The following NEDD4 variants were observed in gnomAD, a reference collection of about 807,000 sequenced individuals.
NEDD4 encodes the protein NEDD4 E3 ubiquitin protein ligase, also known as E3 ubiquitin-protein ligase NEDD4.
A neutral mutation model predicts 144.9 loss-of-function variants in NEDD4; 99 were observed. That is an observed-to-expected ratio of 0.68 (90% CI 0.58 to 0.81). NEDD4 has a LOEUF of 0.81. Among genes scored for constraint, NEDD4 ranks in the 30% least tolerant of loss-of-function variants. The pLI is 0.00. For missense variants in NEDD4, 985 were observed against 1,065.9 expected (o/e 0.92, Z 1.06); for synonymous variants, 318 against 350.6 (o/e 0.91, Z 1.04).
intron 12 of NEDD4, among the ~76,000 whole-genome samples, chr15:55,853,594 C>T (rs1469409174): frequency 1.3e-5 from 2 of 152,218 alleles, no homozygotes; most frequent in Admixed American, 1.3e-4. Flanking sequence ...TCAACAGTTA[C>T]TCCTGCCTTG....
At chr15:55,990,882 CTTTG>C (rs1358178354) in intron 1 of NEDD4, among the ~76,000 whole-genome samples, 1 of 152,200 alleles carries the variant, frequency 6.6e-6, no homozygotes, top group African/African-American at 2.4e-5. Context: ...ACACTTCCTC[CTTTG>C]TTTGTTAACA....
intron 1 of NEDD4, among the ~76,000 whole-genome samples, chr15:55,979,224 GA>G (rs530492205): frequency 6.7e-6 from 1 of 148,826 alleles, no homozygotes; most frequent in Non-Finnish European, 1.5e-5. Context: ...TATATTAATT[GA>G]AAAAATAAGA....
At position 55,944,482 on chromosome 15, in the gene NEDD4, G is replaced by A. The variant is rs76433825; in HGVS notation, c.237+6894C>T. ...GCTTGAGTAGGTAAACAAAGCAGCC[G>A]GGAAGCTGAAACTAGGCAGAGCCCA... is the stretch of plus-strand genomic sequence containing the variant. On this transcript the variant is annotated intron_variant, in intron 4 of 28. Coordinates refer to ENST00000435532, the MANE Select transcript of NEDD4 (RefSeq NM_006154.4). 9.8e-4 allele frequency among the ~76,000 whole-genome samples: 150 copies of A among 152,290 alleles called. 4 individuals carry two copies. In the East Asian group the frequency reaches 0.024, roughly 24 times the overall value.
At chr15:55,954,874 A>G (rs867745113) in intron 2 of NEDD4, among the ~76,000 whole-genome samples, 2 of 151,632 alleles carry the variant, frequency 1.3e-5, no homozygotes, top group African/African-American at 4.9e-5. Flanking sequence ...ACTGAGTTGT[A>G]AGAGGTTTCA....
intron 5 of NEDD4, among the ~76,000 whole-genome samples, chr15:55,879,364 T>C (rs2035103857): frequency 6.6e-6 from 1 of 152,142 alleles, no homozygotes; most frequent in Admixed American, 6.5e-5. Flanking sequence ...AAAATTCCTC[T>C]CTGGAACAAC....
At chr15:55,976,399 T>G (rs1182610321) in intron 1 of NEDD4, among the ~76,000 whole-genome samples, 1 of 152,048 alleles carries the variant, frequency 6.6e-6, no homozygotes, top group African/African-American at 2.4e-5. Context: ...AATCTGATAT[T>G]AAAATGGGCA....
chr15:55,916,411 C>A (rs141563734), intron 5 of NEDD4: 225 of 1,613,924 alleles, frequency 1.4e-4, no homozygotes, highest in Non-Finnish European at 1.8e-4. Flanking sequence ...GGACTGCTTA[C>A]AAGGTGACCA....
chr15:55,858,826 G>A (rs1371756851), intron 11 of NEDD4, among the ~76,000 whole-genome samples: 1 of 152,212 alleles, frequency 6.6e-6, no homozygotes, highest in African/African-American at 2.4e-5. Flanking sequence ...GATCCAGACA[G>A]TAAATACTGG....
chr15:55,991,986 C>A (rs1313245369), intron 1 of NEDD4: 1 of 152,216 alleles, frequency 6.6e-6, no homozygotes, highest in African/African-American at 2.4e-5. Flanking sequence ...GATGAGAAAT[C>A]TGCAATTAGC....
intron 5 of NEDD4, among the ~76,000 whole-genome samples, chr15:55,920,757 T>C (rs569779763): frequency 1.8e-4 from 27 of 152,314 alleles, no homozygotes; most frequent in African/African-American, 6.0e-4. Flanking sequence ...ACATTTATAA[T>C]GACACAGGTC....
chr15:55,894,911 T>C (rs1000759262), intron 5 of NEDD4, among the ~76,000 whole-genome samples: 1 of 152,212 alleles, frequency 6.6e-6, no homozygotes, highest in Non-Finnish European at 1.5e-5. Flanking sequence ...CCAACATTTT[T>C]AGGAGCAATT....
chr15:55,858,535 T>C (rs2034283994), intron 11 of NEDD4, among the ~76,000 whole-genome samples: 1 of 152,124 alleles, frequency 6.6e-6, no homozygotes, highest in African/African-American at 2.4e-5. Flanking sequence ...CTTGAACTCC[T>C]GACTTCAACC....
At chr15:55,945,230 T>A (rs184490198) in intron 4 of NEDD4, among the ~76,000 whole-genome samples, 1 of 152,240 alleles carries the variant, frequency 6.6e-6, no homozygotes, top group East Asian at 1.9e-4. Flanking sequence ...TAAAGAAGCA[T>A]GTTCTAACCC....
intron 9 of NEDD4, among the ~76,000 whole-genome samples, 180 bp downstream of exon 9, chr15:55,862,733 C>T (rs112730270): frequency 2.6e-5 from 4 of 152,016 alleles, no homozygotes; most frequent in Admixed American, 2.6e-4. Context: ...ATTATCAAGT[C>T]ATTTAAAAAA....
rs2034464438 is a variant in NEDD4, at chr15:55,863,056, T to C, written c.531A>G (p.Gln177=). ...ELEPGWVVLD[Q]PDAACHLQQQ... The stretch of plus-strand genomic sequence containing the variant: ...GCTGCAAATGGCAAGCAGCATCTGG[T>C]TGGTCCAAAACAACCCAGCCAGGCT... Residue 177 remains glutamine, a synonymous_variant, in exon 9 of 29, where the codon CAA becomes CAG. Coordinates refer to ENST00000435532, the MANE Select transcript of NEDD4 (RefSeq NM_006154.4). The C allele has an allele frequency of 6.2e-7, 1 of 1,601,740 alleles. No homozygotes were observed.
intron 14 of NEDD4, among the ~76,000 whole-genome samples, chr15:55,849,797 T>C (rs2414445): frequency 0.97 from 142,850 of 147,440 alleles, 69,264 homozygotes; most frequent in South Asian, 1. Flanking sequence ...AGTAATTTTT[T>C]TTTTTTTTTT....
At chr15:55,856,607 C>T (rs201127147) in intron 11 of NEDD4, among the ~76,000 whole-genome samples, 2 of 152,194 alleles carry the variant, frequency 1.3e-5, no homozygotes, top group Admixed American at 6.5e-5. Context: ...CCATGCTGCA[C>T]GCTGCAGGCT....
chr15:55,955,417 T>C (rs2037319632), intron 2 of NEDD4, among the ~76,000 whole-genome samples: 1 of 152,182 alleles, frequency 6.6e-6, no homozygotes, highest in African/African-American at 2.4e-5. Context: ...AGCTTATTCT[T>C]CCTGCTTGAC....
chr15:55,986,846 C>T (rs13379859), intron 1 of NEDD4, among the ~76,000 whole-genome samples: 8 of 152,038 alleles, frequency 5.3e-5, no homozygotes, highest in African/African-American at 1.2e-4. Flanking sequence ...CCACCCGTCT[C>T]GGCCTCCCAA....
Sources: gnomAD v4.1 joint callset for allele counts (sites outside exome capture counted in the v4.1 genomes callset) on GRCh38, gnomAD v4.1.1 for gene constraint, MANE v1.5 for transcripts, NCBI Gene and HGNC (gene_info 2026-07-23, HGNC 2026-07-21) for gene names.